The following TGM7 variants were observed in gnomAD, a reference collection of about 807,000 sequenced individuals.
The protein encoded by TGM7 is protein-glutamine gamma-glutamyltransferase Z.
TGM7 carries 74 observed loss-of-function variants against 79.5 expected under a neutral mutation model. The observed-to-expected ratio is 0.93, with a 90% CI of 0.77 to 1.13. TGM7 has a LOEUF of 1.13. Among genes scored for constraint, TGM7 ranks in the 50% most tolerant of loss-of-function variants. TGM7 has a pLI of 0.00. For missense variants in TGM7, 912 were observed against 905.9 expected (o/e 1.01, Z -0.09); for synonymous variants, 354 against 362.5 (o/e 0.98, Z 0.27).
In TGM7 at chr15:43,276,857, C is replaced by A. The variant is rs1566841641; in HGVS notation, c.1973+5G>T. 6.2e-7 allele frequency: 1 copy of A among 1,613,790 alleles called. No individual in the cohort carries two copies. Among genetic ancestry groups the A allele is most frequent in the Non-Finnish European group, 8.5e-7 (1 of 1,179,802 alleles). ...AAGGGGGAGGTGGGCAGAAGCGTCA[C>A]TTACTCCTTTGCTATCTGCCCATTG... is the stretch of plus-strand genomic sequence containing the variant. On this transcript the variant is annotated splice_donor_5th_base_variant and intron_variant, in intron 12 of 12. Transcript: ENST00000452443.
At position 43,276,540 on chromosome 15, in the gene TGM7, T is replaced by G; in HGVS notation, c.2048A>C (p.Gln683Pro). The change falls in exon 13 of 13, where the codon CAG becomes CCG. Residue 683 changes from glutamine to proline, a missense_variant. Coordinates refer to ENST00000452443, the MANE Select transcript of TGM7 (RefSeq NM_052955.3). Reference sequence around the variant, plus strand: ...GTTGCTGCTGATGAGAACCTGGAGCTGGCGGGGTCCAGCTTTGGTCGGGTA... The same window carrying G: ...GTTGCTGCTGATGAGAACCTGGAGCGGGCGGGGTCCAGCTTTGGTCGGGTA... ...DLYPTKAGPR[Q>P]LQVLISSNEV... 6.2e-7 allele frequency: 1 copy of G among 1,614,144 alleles called. No homozygotes were observed. The highest frequency in any genetic ancestry group is 8.5e-7 in the Non-Finnish European group (1 of 1,180,002).
chr15:43,280,056 G>T, intron 9 of TGM7, 105 bp from the exon 10 acceptor site: 1 of 1,040,274 alleles, frequency 9.6e-7, no homozygotes, highest in Non-Finnish European at 1.4e-6. Context: ...GGGAGGCGGC[G>T]CGGCTCAGGT....
Position 43,281,984 on chromosome 15 carries a change from T to C in TGM7, c.1211A>G (p.Glu404Gly). ...GCCATCCCCAAGGAGCCAAATGACTTCATCGGCGTTCACCTCGGCATACAC... is the reference window on the plus strand; with the variant it reads ...GCCATCCCCAAGGAGCCAAATGACTCCATCGGCGTTCACCTCGGCATACAC... ...PFVYAEVNAD[E>G]VIWLLGDGQA... The change falls in exon 9 of 13, where the codon GAA becomes GGA. Residue 404 changes from glutamate to glycine, a missense_variant. Physicochemically the swap from Glu to Gly is moderately conservative, Grantham distance 98. Coordinates refer to ENST00000452443, the MANE Select transcript of TGM7 (RefSeq NM_052955.3). 3 of 1,614,076 alleles carry C rather than the reference T, an allele frequency of 1.9e-6. No individual in the cohort carries two copies. The highest frequency in any genetic ancestry group is 2.5e-6 in the Non-Finnish European group (3 of 1,179,994).
chr15:43,286,602 C>A (rs966573519), intron 6 of TGM7, among the ~76,000 whole-genome samples: 9 of 152,186 alleles, frequency 5.9e-5, no homozygotes, highest in African/African-American at 2.2e-4. Flanking sequence ...CTCTGCTCCT[C>A]CTTTCTCCAA....
At chr15:43,295,285 G>A (rs1274488869) in intron 1 of TGM7, among the ~76,000 whole-genome samples, 1 of 152,160 alleles carries the variant, frequency 6.6e-6, no homozygotes, top group East Asian at 1.9e-4. Flanking sequence ...TGTTAACACT[G>A]AGCCATTAAG....
intron 9 of TGM7, among the ~76,000 whole-genome samples, chr15:43,280,230 A>G (rs1436927784): frequency 6.6e-6 from 1 of 152,094 alleles, no homozygotes; most frequent in East Asian, 1.9e-4. Flanking sequence ...GTTTTCTACC[A>G]TCACTATGGC....
At chr15:43,289,372 G>A (rs1359564105) in intron 4 of TGM7, among the ~76,000 whole-genome samples, 1 of 152,098 alleles carries the variant, frequency 6.6e-6, no homozygotes, top group Non-Finnish European at 1.5e-5. Context: ...CTTCATCCAT[G>A]TCCCTACAAA....
intron 7 of TGM7, among the ~76,000 whole-genome samples, chr15:43,283,165 T>C (rs533648898): frequency 6.6e-6 from 1 of 152,374 alleles, no homozygotes; most frequent in Admixed American, 6.5e-5. Context: ...TATCTACACA[T>C]ACACACTTCA....
At chr15:43,295,623 C>T (rs1387029711) in intron 1 of TGM7, among the ~76,000 whole-genome samples, 2 of 152,172 alleles carry the variant, frequency 1.3e-5, no homozygotes, top group Non-Finnish European at 1.5e-5. Flanking sequence ...ACTCTTTGGG[C>T]ATAGCTGTTC....
Position 43,279,795 on chromosome 15 carries a change from C to T in TGM7, c.1508G>A (p.Gly503Asp). 6.2e-7 allele frequency: 1 copy of T among 1,614,142 alleles called. No individual in the cohort carries two copies. Among genetic ancestry groups the T allele is most frequent in the Non-Finnish European group, 8.5e-7 (1 of 1,180,028 alleles). The change falls in exon 10 of 13, where the codon GGC becomes GAC. Residue 503 changes from glycine (G) to aspartate (D), a missense_variant. Physicochemically the swap from Gly to Asp is moderately conservative, Grantham distance 94. Coordinates refer to ENST00000452443, the MANE Select transcript of TGM7 (RefSeq NM_052955.3). ...QLHLARIPEW[G>D]QDLQLLLRIQ... is the part of the protein sequence containing the mutation. The stretch of plus-strand genomic sequence containing the variant: ...ACGCAGCAGCAGCTGCAGGTCCTGG[C>T]CCCACTCGGGTATCCTGGCCAGGTG...
Position 43,282,094 on chromosome 15 carries a change from G to A in TGM7, c.1109-8C>T. The A allele has an allele frequency of 6.2e-7, 1 of 1,613,474 alleles. No homozygotes were observed. The highest frequency in any genetic ancestry group is 8.5e-7 in the Non-Finnish European group (1 of 1,179,540). ...GGCCACAGCAGAACAGCCCTGTGGA[G>A]GCAACAGGCTACTGATATGGGGGCC... is the stretch of plus-strand genomic sequence containing the variant. On this transcript the variant is annotated splice_region_variant and splice_polypyrimidine_tract_variant and intron_variant, in intron 8 of 12. Transcript: ENST00000452443.
At chr15:43,279,075 A>G in intron 11 of TGM7, 42 bp downstream of exon 11, 11 of 1,580,822 alleles carry the variant, frequency 7.0e-6, no homozygotes, top group Non-Finnish European at 9.5e-6. Context: ...GGATTGGGTG[A>G]GTCAGAGAGC....
rs2042911523 is a variant in TGM7 at position 43,281,969 on chromosome 15, A to G, written c.1226T>C (p.Leu409Pro). The G allele has an allele frequency of 3.1e-6, 5 of 1,614,082 alleles. No homozygotes were observed. The highest frequency in any genetic ancestry group is 2.7e-5 in the African/African-American group (2 of 74,924). The part of the protein sequence containing the change: ...EVNADEVIWL[L>P]GDGQAQEILA... ...GATTTCCTGGGCCTGGCCATCCCCA[A>G]GGAGCCAAATGACTTCATCGGCGTT... Residue 409 changes from leucine to proline, a missense_variant, in exon 9 of 13, where the codon CTT becomes CCT. By Grantham distance (98) the Leu-to-Pro change is moderately conservative. Coordinates refer to ENST00000452443, the MANE Select transcript of TGM7 (RefSeq NM_052955.3).
intron 1 of TGM7, among the ~76,000 whole-genome samples, chr15:43,294,040 G>A (rs192073628): frequency 5.3e-5 from 8 of 152,094 alleles, no homozygotes; most frequent in Admixed American, 2.6e-4. Context: ...CCAGATAACC[G>A]AAACTTAACC....
At chr15:43,277,940 C>A (rs574331083) in intron 11 of TGM7, among the ~76,000 whole-genome samples, 1 of 152,254 alleles carries the variant, frequency 6.6e-6, no homozygotes, top group African/African-American at 2.4e-5. Flanking sequence ...CTGATGGGGA[C>A]CAATTAGCAA....
intron 11 of TGM7, among the ~76,000 whole-genome samples, chr15:43,278,716 A>C (rs984583044): frequency 2.6e-5 from 4 of 152,196 alleles, no homozygotes; most frequent in Non-Finnish European, 5.9e-5. Flanking sequence ...GGCCTCCCAA[A>C]GCACTGGGAT....
intron 1 of TGM7, among the ~76,000 whole-genome samples, chr15:43,299,192 G>A (rs1232967513): frequency 6.6e-6 from 1 of 152,164 alleles, no homozygotes; most frequent in Non-Finnish European, 1.5e-5. Flanking sequence ...AGGGGAAAGT[G>A]CTACTTTGAT....
chr15:43,282,419 G>T, intron 8 of TGM7, 98 bp downstream of exon 8: 1 of 1,069,658 alleles, frequency 9.3e-7, no homozygotes. Flanking sequence ...AGGGTGCCGT[G>T]GAAAACGCTG....
intron 4 of TGM7, among the ~76,000 whole-genome samples, chr15:43,291,734 T>C (rs958786871): frequency 2.0e-5 from 3 of 152,198 alleles, no homozygotes; most frequent in African/African-American, 7.2e-5. Context: ...TGTAGTAGCC[T>C]GTCTACTTTG....
Sources: gnomAD v4.1 joint callset for allele counts (sites outside exome capture counted in the v4.1 genomes callset) on GRCh38, gnomAD v4.1.1 for gene constraint, MANE v1.5 for transcripts, NCBI Gene and HGNC (gene_info 2026-07-23, HGNC 2026-07-21) for gene names.